RPP14: variants seen among roughly 807,000 people sequenced by gnomAD.
The protein encoded by RPP14 is ribonuclease P/MRP subunit p14, also known as ribonuclease P protein subunit p14.
RPP14 carries 19 observed loss-of-function variants against 17.8 expected under a neutral mutation model. The ratio of observed to expected loss-of-function variants is 1.07; its 90% CI spans 0.74 to 1.57. The LOEUF is 1.57. Ranked by LOEUF, RPP14 falls within the 40% of genes most tolerant of loss-of-function variation. The pLI, the probability that RPP14 is intolerant of heterozygous loss-of-function variation, is 0.00. For missense variants in RPP14, 125 were observed against 140.8 expected, an observed-to-expected ratio of 0.89 and a Z score of 0.57; for synonymous variants, 60 against 56.4, an observed-to-expected ratio of 1.06 and a Z score of -0.29.
rs1247705806 is a variant in RPP14, at chr3:58,319,369, A to C, written c.*1873A>C. On this transcript the variant is annotated 3_prime_UTR_variant, in exon 6 of 6. Coordinates refer to ENST00000295959, the MANE Select transcript of RPP14 (RefSeq NM_007042.6). Reference sequence around the variant, plus strand: ...ACATGCCATGTGGGATAGTTGGTGGAGATGATAGATGGAGTTAAGCACAGG... The same window carrying C: ...ACATGCCATGTGGGATAGTTGGTGGCGATGATAGATGGAGTTAAGCACAGG... 1 of 152,148 alleles carries C rather than the reference A, an allele frequency of 6.6e-6. No homozygotes were observed. The highest frequency in any genetic ancestry group is 1.5e-5 in the Non-Finnish European group (1 of 68,036). The allele number at this position is 152,148 out of a possible 1,614,324, so 9.4% of individuals were successfully genotyped here.
intron 5 of RPP14, among the ~76,000 whole-genome samples, 188 bp from the exon 6 acceptor site, chr3:58,317,252 G>C (rs74957107): frequency 1.7e-4 from 26 of 152,168 alleles, no homozygotes; most frequent in Non-Finnish European, 2.8e-4. Flanking sequence ...TTAATGCCTT[G>C]TGTGTTATAT....
At chr3:58,309,029 C>T (rs1199565491) in intron 1 of RPP14, among the ~76,000 whole-genome samples, 2 of 152,204 alleles carry the variant, frequency 1.3e-5, no homozygotes, top group Non-Finnish European at 2.9e-5. Flanking sequence ...CCAGGAATCC[C>T]TCTTCTCAAC....
rs1165108395 is a variant in RPP14 at position 58,316,355 on chromosome 3, CA to C, written c.163-159del. ...AGAGGTGTAGGCAGAACATTCTAGG[CA>C]GGGGGAGCTGTAAGTAGGCAACTAA... is the stretch of plus-strand genomic sequence containing the variant. On this transcript the variant is annotated intron_variant, in intron 3 of 5. Coordinates refer to ENST00000295959, the MANE Select transcript of RPP14 (RefSeq NM_007042.6). The C allele has an allele frequency of 5.5e-5, 34 of 622,372 alleles. No individual in the cohort carries two copies. In the East Asian group the frequency reaches 9.0e-4, roughly 16 times the overall value. 38.6% of individuals were successfully genotyped at this position (622,372 alleles called of 1,614,324 possible).
rs767086923 is a variant in RPP14 at position 58,317,037 on chromosome 3, G to A, written c.318+44G>A. ...CATATTCCAAACAAGACTGAGTGATGGGTCAACTGCTTCTTAATATACACA... is the reference window on the plus strand; with the variant it reads ...CATATTCCAAACAAGACTGAGTGATAGGTCAACTGCTTCTTAATATACACA... On this transcript the variant is annotated intron_variant, in intron 5 of 5. Transcript: ENST00000295959. 4 of 1,361,472 alleles carry A rather than the reference G, an allele frequency of 2.9e-6. No homozygotes were observed. In the East Asian group the frequency reaches 9.2e-5, roughly 31 times the overall value. 84.3% of individuals were successfully genotyped at this position (1,361,472 alleles called of 1,614,324 possible).
At position 58,317,799 on chromosome 3, in the gene RPP14, T is replaced by A. The variant is rs1317673213; in HGVS notation, c.*303T>A. On this transcript the variant is annotated 3_prime_UTR_variant, in exon 6 of 6. Coordinates refer to ENST00000295959, the MANE Select transcript of RPP14 (RefSeq NM_007042.6). The stretch of plus-strand genomic sequence containing the variant: ...CTACCTTCTCAGAATTAACAGGGGA[T>A]GTCAATCCTTTGCATTTGAATGAAG... 1 of 703,090 alleles carries A rather than the reference T, an allele frequency of 1.4e-6. No individual in the cohort carries two copies. Among genetic ancestry groups the A allele is most frequent in the Admixed American group, 2.0e-5 (1 of 50,016 alleles). 43.6% of individuals were successfully genotyped at this position (703,090 alleles called of 1,614,324 possible). A position where few individuals can be genotyped will look rare whatever the true frequency, so the allele number is the denominator to read the frequency against.
At chr3:58,313,889 T>C (rs1474123552) in intron 3 of RPP14, among the ~76,000 whole-genome samples, 2 of 151,852 alleles carry the variant, frequency 1.3e-5, no homozygotes, top group African/African-American at 4.8e-5. Flanking sequence ...GTGTCTAGAA[T>C]ATATAAATGA....
chr3:58,317,084 A>G (rs2097489081), intron 5 of RPP14, 91 bp downstream of exon 5: 2 of 919,666 alleles, frequency 2.2e-6, no homozygotes, highest in Admixed American at 4.2e-5. Flanking sequence ...TGCTTGCATA[A>G]ATGTAATATG....
At chr3:58,306,722 C>G (rs1223777545) in intron 1 of RPP14, 2 of 152,260 alleles carry the variant, frequency 1.3e-5, no homozygotes, top group East Asian at 3.9e-4. Flanking sequence ...GGATATTGAG[C>G]TTTTTAAAGT....
At position 58,317,742 on chromosome 3, in the gene RPP14, A is replaced by C; in HGVS notation, c.*246A>C. 1.4e-6 allele frequency: 1 copy of C among 703,438 alleles called. No homozygotes were observed. Among genetic ancestry groups the C allele is most frequent in the Admixed American group, 2.0e-5 (1 of 50,014 alleles). The allele number at this position is 703,438 out of a possible 1,614,324, so 43.6% of individuals were successfully genotyped here. On this transcript the variant is annotated 3_prime_UTR_variant, in exon 6 of 6. Transcript: ENST00000295959. ...ACATCAAAGTTGGAGACCGCGCTGA[A>C]CTTAGGAGGGCCTTCACACAGACTG...
At chr3:58,311,834 C>T (rs1328579490) in intron 3 of RPP14, among the ~76,000 whole-genome samples, 1 of 151,742 alleles carries the variant, frequency 6.6e-6, no homozygotes, top group African/African-American at 2.4e-5. Flanking sequence ...CAGTAGTAGA[C>T]TTGCTGGATT....
At chr3:58,315,583 G>C (rs915996753) in intron 3 of RPP14, 1 of 152,202 alleles carries the variant, frequency 6.6e-6, no homozygotes, top group Non-Finnish European at 1.5e-5. Context: ...TACCAGTTTT[G>C]TAGTTTTGCT....
intron 3 of RPP14, among the ~76,000 whole-genome samples, chr3:58,311,145 G>A (rs1442581082): frequency 7.6e-6 from 1 of 131,076 alleles, no homozygotes; most frequent in Non-Finnish European, 1.8e-5. Flanking sequence ...TTTTGTTGTT[G>A]TTGTTGTTGT....
intron 1 of RPP14, 144 bp from the exon 2 acceptor site, chr3:58,310,165 C>A: frequency 1.6e-6 from 1 of 619,992 alleles, no homozygotes; most frequent in East Asian, 2.8e-5. Context: ...TCTGATTGTA[C>A]CACTGCACTT....
chr3:58,311,708 CTTT>C (rs756755418), intron 3 of RPP14, among the ~76,000 whole-genome samples: 2 of 139,190 alleles, frequency 1.4e-5, no homozygotes, highest in Admixed American at 7.2e-5. Context: ...TGCATATGTC[CTTT>C]TTTTTTTTTT....
At position 58,310,383 on chromosome 3, in the gene RPP14, G is replaced by A. The variant is rs750201169; in HGVS notation, c.54G>A (p.Glu18=). ...YERVVYKNPS[E]YHYMKVCLEF... Reference sequence around the variant, plus strand: ...GAGTAGTTTACAAAAACCCTTCCGAGTACCACTACATGAAAGTCTGCCTGT... The same window carrying A: ...GAGTAGTTTACAAAAACCCTTCCGAATACCACTACATGAAAGTCTGCCTGT... The change falls in exon 2 of 6, where the codon GAG becomes GAA. Residue 18 remains glutamate (E), a synonymous_variant. Transcript: ENST00000295959. 9.9e-6 allele frequency: 16 copies of A among 1,613,902 alleles called. No homozygotes were observed. The Admixed American group carries it at 2.7e-4, about 27-fold the overall frequency.
Position 58,310,398 on chromosome 3 carries a change from A to C in RPP14, c.69A>C (p.Lys23Asn). ...ACCCTTCCGAGTACCACTACATGAA[A>C]GTCTGCCTGTAAGTTTAGTTTCCTA... ...YKNPSEYHYM[K>N]VCLEFQDCGV... is the part of the protein sequence containing the mutation. Residue 23 changes from lysine to asparagine, a missense_variant, in exon 2 of 6, where the codon AAA (lysine) becomes AAC (asparagine). Lys to Asn is a moderately conservative substitution (Grantham distance 94). Transcript: ENST00000295959. 6.2e-7 allele frequency: 1 copy of C among 1,614,014 alleles called. No individual in the cohort carries two copies. Among genetic ancestry groups the C allele is most frequent in the East Asian group, 2.2e-5 (1 of 44,880 alleles).
rs2107512178 is a variant in RPP14, at chr3:58,318,715, T to C, written c.*1219T>C. 6.8e-6 allele frequency: 1 copy of C among 147,424 alleles called. No individual in the cohort carries two copies. The highest frequency in any genetic ancestry group is 2.1e-4 in the South Asian group (1 of 4,676). The allele number at this position is 147,424 out of a possible 1,614,324, so 9.1% of individuals were successfully genotyped here. On this transcript the variant is annotated 3_prime_UTR_variant, in exon 6 of 6. Transcript: ENST00000295959. The stretch of plus-strand genomic sequence containing the variant: ...GGAAGGTTATTTAAAGACTCTACTT[T>C]TAAATCAGGCGTGGCAGCTCACGCC...
At position 58,319,785 on chromosome 3, in the gene RPP14, T is replaced by A. The variant is rs951125821; in HGVS notation, c.*2289T>A. 1 of 152,128 alleles carries A rather than the reference T, an allele frequency of 6.6e-6. No individual in the cohort carries two copies. The highest frequency in any genetic ancestry group is 1.5e-5 in the Non-Finnish European group (1 of 68,024). The allele number at this position is 152,128 out of a possible 1,614,324, so 9.4% of individuals were successfully genotyped here. On this transcript the variant is annotated 3_prime_UTR_variant, in exon 6 of 6. Transcript: ENST00000295959. ...GGCCATCCCAACACAGCCAACACTTTTGTTTCCCATTTTTTTTTGTTTCCC... is the reference window on the plus strand; with the variant it reads ...GGCCATCCCAACACAGCCAACACTTATGTTTCCCATTTTTTTTTGTTTCCC...
At chr3:58,311,767 C>T in intron 3 of RPP14, among the ~76,000 whole-genome samples, 1 of 151,922 alleles carries the variant, frequency 6.6e-6, no homozygotes, top group East Asian at 1.9e-4. Context: ...GCATGAGCCA[C>T]TATGCCCAGC....
Sources: allele counts gnomAD v4.1 joint callset (sites outside exome capture counted in the v4.1 genomes callset), GRCh38; gene constraint gnomAD v4.1.1; transcripts MANE v1.5; gene names NCBI Gene and HGNC (gene_info 2026-07-23, HGNC 2026-07-21).